CBLN2: variants seen among roughly 807,000 people sequenced by gnomAD.
CBLN2 encodes the protein cerebellin-2.
CBLN2 carries 7 observed loss-of-function variants against 15.0 expected under a neutral mutation model. The observed-to-expected ratio is 0.47, with a 90% confidence interval of 0.27 to 0.88. CBLN2 has a LOEUF of 0.88. CBLN2 is among the 40% of genes least tolerant of loss of function. The pLI is 0.14. For synonymous variants in CBLN2, 149 were observed against 135.2 expected, an observed-to-expected ratio of 1.10 and a Z score of -0.71; for missense variants, 242 against 304.5, an observed-to-expected ratio of 0.79 and a Z score of 1.53.
intron 1 of CBLN2, among the ~76,000 whole-genome samples, chr18:72,615,477 T>C (rs1428264983): frequency 6.6e-6 from 1 of 151,574 alleles, no homozygotes; most frequent in Non-Finnish European, 1.5e-5. Flanking sequence ...GGTTTCCCCA[T>C]GTTGGTCAGG....
At chr18:72,596,074 T>C (rs572317407) in intron 1 of CBLN2, among the ~76,000 whole-genome samples, 3 of 152,272 alleles carry the variant, frequency 2.0e-5, no homozygotes, top group African/African-American at 7.2e-5. Flanking sequence ...ATTTTGTTAC[T>C]TTTTTACTGG....
upstream of CBLN2, among the ~76,000 whole-genome samples, chr18:72,545,888 T>C (rs1445730852): frequency 6.6e-6 from 1 of 152,168 alleles, no homozygotes; most frequent in Admixed American, 6.5e-5. Flanking sequence ...ACTATCGTCA[T>C]CAACACTGGG....
intron 1 of CBLN2, among the ~76,000 whole-genome samples, chr18:72,611,177 T>C (rs1395004103): frequency 2.0e-5 from 3 of 152,242 alleles, no homozygotes; most frequent in African/African-American, 7.2e-5. Flanking sequence ...ATCTTCACTA[T>C]TGTGACTAGT....
intron 1 of CBLN2, among the ~76,000 whole-genome samples, chr18:72,551,749 T>C (rs1158898073): frequency 6.6e-6 from 1 of 152,210 alleles, no homozygotes; most frequent in African/African-American, 2.4e-5. Flanking sequence ...ATGAACACCA[T>C]TATACATATA....
chr18:72,579,738 A>C (rs1441429432), intron 1 of CBLN2, among the ~76,000 whole-genome samples: 70 of 151,826 alleles, frequency 4.6e-4, no homozygotes, highest in Non-Finnish European at 7.4e-5. Flanking sequence ...TCTCGCAAAA[A>C]ACAAAAAACA....
intron 1 of CBLN2, among the ~76,000 whole-genome samples, chr18:72,555,322 T>C (rs2069219464): frequency 6.6e-6 from 1 of 152,102 alleles, no homozygotes; most frequent in African/African-American, 2.4e-5. Flanking sequence ...TTCAAAAGTC[T>C]GTCGTGGTTG....
intron 1 of CBLN2, among the ~76,000 whole-genome samples, chr18:72,567,675 C>G (rs912658927): frequency 1.3e-5 from 2 of 152,150 alleles, no homozygotes; most frequent in African/African-American, 4.8e-5. Context: ...TTCTCATCTT[C>G]CCTCTTTCCT....
chr18:72,570,551 C>A (rs893760795), intron 1 of CBLN2, among the ~76,000 whole-genome samples: 1 of 152,028 alleles, frequency 6.6e-6, no homozygotes, highest in Admixed American at 6.6e-5. Context: ...CCCAGCCAGC[C>A]AACAGCATTG....
intron 1 of CBLN2, among the ~76,000 whole-genome samples, chr18:72,627,035 C>G (rs2069744459): frequency 6.6e-6 from 1 of 152,168 alleles, no homozygotes; most frequent in Non-Finnish European, 1.5e-5. Context: ...TGTGAGACAT[C>G]CATATTGTGT....
chr18:72,568,913 G>GA (rs547481076), intron 1 of CBLN2, among the ~76,000 whole-genome samples: 3 of 151,874 alleles, frequency 2.0e-5, no homozygotes, highest in African/African-American at 2.4e-5. Context: ...CAGGAAGAGT[G>GA]AAAAAAAATC....
Position 72,566,183 on chromosome 18 carries a change from T to C in CBLN2, c.16-27411A>G, listed in dbSNP as rs1458059066. 3.3e-5 allele frequency among the ~76,000 whole-genome samples: 5 copies of C among 152,028 alleles called. No individual in the cohort carries two copies. In the East Asian group the frequency reaches 9.6e-4, roughly 29 times the overall value. On this transcript the variant is annotated intron_variant, in intron 1 of 2. Transcript: ENST00000581073. The stretch of plus-strand genomic sequence containing the variant: ...AAAAGATCACAGGTGTTGGCCAGGA[T>C]ATGGAGGGAAGGGAACACTTGCACA...
chr18:72,547,613 G>A (rs183746694), upstream of CBLN2, among the ~76,000 whole-genome samples: 1 of 151,762 alleles, frequency 6.6e-6, no homozygotes, highest in Admixed American at 6.6e-5. Context: ...TGATTTTAAG[G>A]CTTTTTATAT....
intron 1 of CBLN2, among the ~76,000 whole-genome samples, chr18:72,590,870 G>A (rs1415986780): frequency 6.6e-6 from 1 of 152,116 alleles, no homozygotes; most frequent in Non-Finnish European, 1.5e-5. Context: ...ATAAAAACAA[G>A]CATGCAAACA....
At chr18:72,589,407 T>C (rs1157521706) in intron 1 of CBLN2, among the ~76,000 whole-genome samples, 1 of 152,178 alleles carries the variant, frequency 6.6e-6, no homozygotes, top group Non-Finnish European at 1.5e-5. Flanking sequence ...GCAATGCCTG[T>C]GGTCCCTCCA....
intron 1 of CBLN2, among the ~76,000 whole-genome samples, chr18:72,615,282 AT>A (rs201338200): frequency 2.8e-4 from 23 of 81,872 alleles, no homozygotes; most frequent in Non-Finnish European, 5.3e-4. Flanking sequence ...ATATATATAT[AT>A]TTTTTTTTTG....
chr18:72,597,156 G>A (rs925984839), intron 1 of CBLN2, among the ~76,000 whole-genome samples: 5 of 152,090 alleles, frequency 3.3e-5, no homozygotes, highest in Non-Finnish European at 5.9e-5. Context: ...TGGGCTTGTC[G>A]GCACCCATCC....
At chr18:72,611,558 G>C (rs1335179232) in intron 1 of CBLN2, among the ~76,000 whole-genome samples, 1 of 152,102 alleles carries the variant, frequency 6.6e-6, no homozygotes, top group Admixed American at 6.6e-5. Context: ...AGAAGTGTCT[G>C]TTCATGTCTT....
Position 72,543,250 on chromosome 18 carries a change from C to G in CBLN2, c.-167+236G>C, listed in dbSNP as rs920094274. On this transcript the variant is annotated intron_variant, in intron 2 of 4. Coordinates refer to ENST00000269503, the MANE Select transcript of CBLN2 (RefSeq NM_182511.4). The surrounding 1 kb of genome is among the most constrained non-coding windows in gnomAD (Gnocchi z 6.8). Reference sequence around the variant, plus strand: ...ATTTCAATACCAGCCCAGAGACACGCAGAGAAGCCGCCCCCTCGCCGCCCA... The same window carrying G: ...ATTTCAATACCAGCCCAGAGACACGGAGAGAAGCCGCCCCCTCGCCGCCCA... 2 of 355,412 alleles carry G rather than the reference C, an allele frequency of 5.6e-6. No individual in the cohort carries two copies. Among genetic ancestry groups the G allele is most frequent in the African/African-American group, 4.2e-5 (2 of 47,528 alleles). 22.0% of individuals were successfully genotyped at this position (355,412 alleles called of 1,614,324 possible).
At chr18:72,591,185 T>G (rs947811398) in intron 1 of CBLN2, among the ~76,000 whole-genome samples, 5 of 152,190 alleles carry the variant, frequency 3.3e-5, no homozygotes, top group African/African-American at 1.2e-4. Context: ...CAGCTAGTCA[T>G]AAGTTTTAAA....
Sources: allele counts gnomAD v4.1 joint callset (sites outside exome capture counted in the v4.1 genomes callset), GRCh38; gene constraint gnomAD v4.1.1; non-coding constraint Gnocchi (gnomAD v3.1); transcripts MANE v1.5; gene names NCBI Gene and HGNC (gene_info 2026-07-23, HGNC 2026-07-21).